Variants in JCAD observed in about 807,000 individuals in gnomAD.
JCAD encodes junctional cadherin 5 associated.
Under a neutral mutation model 98.0 loss-of-function variants are expected in JCAD, and 40 were observed. The observed-to-expected ratio is 0.41, with a 90% CI of 0.32 to 0.53. The LOEUF (loss-of-function observed/expected upper bound fraction) is 0.53. Among genes scored for constraint, JCAD ranks in the 20% least tolerant of loss-of-function variants. JCAD has a pLI of 0.31. For synonymous variants in JCAD, 691 were observed against 682.3 expected (o/e 1.01, Z -0.20); for missense variants, 1,705 against 1,738.1 (o/e 0.98, Z 0.34).
rs572820422 is a variant in JCAD, at chr10:30,028,299, G to A, written c.1849C>T (p.Pro617Ser). The change falls in exon 3 of 4, where the codon CCG becomes TCG. Residue 617 changes from proline to serine, a missense_variant. Transcript: ENST00000375377. ...ADQKNGSDKSPALQEQSLLSM... is the reference protein window; with the variant it reads ...ADQKNGSDKSSALQEQSLLSM... ...AGCAGACTCTGTTCTTGCAGAGCCG[G>A]GCTCTTATCAGACCCATTCTTTTGA... The A allele has an allele frequency of 2.5e-6, 4 of 1,614,082 alleles. No individual in the cohort carries two copies. The highest frequency in any genetic ancestry group is 2.7e-5 in the African/African-American group (2 of 74,934).
chr10:30,110,288 CTGATGTATGGACTCAT>C (rs1264185393), intron 1 of JCAD, among the ~76,000 whole-genome samples: 1 of 151,224 alleles, frequency 6.6e-6, no homozygotes, highest in Non-Finnish European at 1.5e-5. Context: ...TATAGACCAG[CTGATGTATGGACTCAT>C]TGATGTATTG....
At chr10:30,095,133 G>A (rs1008988708) in intron 1 of JCAD, among the ~76,000 whole-genome samples, 2 of 152,000 alleles carry the variant, frequency 1.3e-5, no homozygotes, top group Non-Finnish European at 2.9e-5. Flanking sequence ...TTTATTCTCT[G>A]TGCCCTAGAA....
chr10:30,019,344 C>T (rs182612251), intron 3 of JCAD, among the ~76,000 whole-genome samples: 26 of 124,590 alleles, frequency 2.1e-4, no homozygotes, highest in East Asian at 1.7e-3. Context: ...GCAACAAGAG[C>T]GAAACTCTGT....
chr10:30,060,564 T>C (rs1473986029), upstream of JCAD, among the ~76,000 whole-genome samples: 3 of 152,188 alleles, frequency 2.0e-5, no homozygotes, highest in East Asian at 5.8e-4. Flanking sequence ...GTTAGTTAAG[T>C]CCACCCAGAC....
chr10:30,062,025 A>G (rs757231083), upstream of JCAD, among the ~76,000 whole-genome samples: 11 of 152,142 alleles, frequency 7.2e-5, no homozygotes, highest in Admixed American at 2.6e-4. Context: ...TTCTAGGTCA[A>G]CCCCATGGAA....
intron 1 of JCAD, among the ~76,000 whole-genome samples, chr10:30,108,560 G>T (rs1329565702): frequency 6.6e-5 from 10 of 152,234 alleles, no homozygotes; most frequent in South Asian, 4.2e-4. Context: ...ATATCCCATC[G>T]TTCATTGTTC....
chr10:30,073,647 G>GTCCT (rs60380450), intron 1 of JCAD, among the ~76,000 whole-genome samples: 83,895 of 137,962 alleles, frequency 0.61, 26,641 homozygotes, highest in Non-Finnish European at 0.68. Context: ...TAGCAAGATT[G>GTCCT]TCCTTCCTTC....
chr10:30,113,610 A>C (rs1484332929), intron 1 of JCAD, among the ~76,000 whole-genome samples: 1 of 150,760 alleles, frequency 6.6e-6, no homozygotes, highest in Non-Finnish European at 1.5e-5. Context: ...AGCACAAAAC[A>C]GACAGATGGC....
At chr10:30,114,993 G>T (rs986302954) in intron 1 of JCAD, among the ~76,000 whole-genome samples, 1 of 152,202 alleles carries the variant, frequency 6.6e-6, no homozygotes, top group Non-Finnish European at 1.5e-5. Context: ...TGCTAAGATA[G>T]TGCTGGGAAC....
chr10:30,039,157 C>A (rs1284006117), intron 2 of JCAD, among the ~76,000 whole-genome samples: 1 of 152,212 alleles, frequency 6.6e-6, no homozygotes, highest in African/African-American at 2.4e-5. Context: ...GGGCCAGATG[C>A]TGACGCCCCT....
chr10:30,083,199 C>T (rs1385367086), intron 1 of JCAD, among the ~76,000 whole-genome samples: 3 of 152,092 alleles, frequency 2.0e-5, no homozygotes, highest in African/African-American at 7.2e-5. Context: ...AAAATAATCT[C>T]TAATTTTATA....
intron 1 of JCAD, among the ~76,000 whole-genome samples, chr10:30,106,607 T>C (rs752951607): frequency 6.6e-6 from 1 of 152,166 alleles, no homozygotes; most frequent in Non-Finnish European, 1.5e-5. Flanking sequence ...TTCAAGCGAT[T>C]CTGCTGCCTC....
chr10:30,032,559 A>G (rs1249069359), intron 2 of JCAD, among the ~76,000 whole-genome samples: 1 of 152,196 alleles, frequency 6.6e-6, no homozygotes, highest in Non-Finnish European at 1.5e-5. Flanking sequence ...AAAATGTTTC[A>G]AGTCTAGGAT....
intron 1 of JCAD, among the ~76,000 whole-genome samples, chr10:30,093,338 A>G (rs945675480): frequency 6.6e-6 from 1 of 152,210 alleles, no homozygotes; most frequent in African/African-American, 2.4e-5. Context: ...TACTCATTCT[A>G]TGATAACTTT....
chr10:30,081,152 A>C (rs1005525180), intron 1 of JCAD, among the ~76,000 whole-genome samples: 3 of 152,208 alleles, frequency 2.0e-5, no homozygotes, highest in Non-Finnish European at 4.4e-5. Context: ...CATCTGTGTT[A>C]CCTGGAAGGG....
In JCAD at chr10:30,015,296, C is replaced by CA. The variant is rs1319091074; in HGVS notation, c.*2586dup. 6.6e-6 allele frequency: 1 copy of CA among 151,890 alleles called. No homozygotes were observed. Among genetic ancestry groups the CA allele is most frequent in the Non-Finnish European group, 1.5e-5 (1 of 67,960 alleles). 9.4% of individuals were successfully genotyped at this position (151,890 alleles called of 1,614,324 possible). A position where few individuals can be genotyped will look rare whatever the true frequency, so the allele number is the denominator to read the frequency against. On this transcript the variant is annotated 3_prime_UTR_variant, in exon 4 of 4. Transcript: ENST00000375377. ...ATATAGAAACTTTTTCTTCCAGCCA[C>CA]AAAAAACGAAGTTATGTATGTATGA...
chr10:30,044,878 C>T, intron 2 of JCAD: 4 of 804,386 alleles, frequency 5.0e-6, no homozygotes, highest in Non-Finnish European at 6.0e-6. Context: ...CAGCCAGTCT[C>T]TGAAGCTTGG....
intron 1 of JCAD, among the ~76,000 whole-genome samples, chr10:30,086,414 G>C (rs1342940354): frequency 6.6e-6 from 1 of 152,188 alleles, no homozygotes; most frequent in African/African-American, 2.4e-5. Flanking sequence ...CCAGTTGAGA[G>C]CTTACTTCTT....
At chr10:30,101,638 G>C (rs1263612138) in intron 1 of JCAD, among the ~76,000 whole-genome samples, 2 of 151,978 alleles carry the variant, frequency 1.3e-5, no homozygotes, top group African/African-American at 4.8e-5. Flanking sequence ...AAAGTGCTGG[G>C]ATTACAGGCC....
Sources: gnomAD v4.1 joint callset for allele counts (sites outside exome capture counted in the v4.1 genomes callset) on GRCh38, gnomAD v4.1.1 for gene constraint, MANE v1.5 for transcripts, NCBI Gene and HGNC (gene_info 2026-07-23, HGNC 2026-07-21) for gene names.